The following DNAH14 variants were observed in gnomAD, a reference collection of about 807,000 sequenced individuals.
The protein encoded by DNAH14 is axonemal beta dynein heavy chain 14.
Under a neutral mutation model 520.9 loss-of-function variants are expected in DNAH14, and 478 were observed. The observed-to-expected ratio is 0.92, with a 90% CI of 0.85 to 0.99. The LOEUF (loss-of-function observed/expected upper bound fraction) is 0.99, where lower values mean the gene tolerates loss of function less well. Ranked by LOEUF, DNAH14 falls within the 50% of genes least tolerant of loss-of-function variation. DNAH14 has a pLI of 0.00. For synonymous variants in DNAH14, 1,581 were observed against 1,757.2 expected, an observed-to-expected ratio of 0.90 and a Z score of 2.51; for missense variants, 4,831 against 5,234.5, an observed-to-expected ratio of 0.92 and a Z score of 2.38.
intron 21 of DNAH14, among the ~76,000 whole-genome samples, chr1:225,095,320 AAAG>A (rs1179623834): frequency 2.0e-5 from 3 of 152,196 alleles, no homozygotes; most frequent in Non-Finnish European, 4.4e-5. Flanking sequence ...TGCAGCCATA[AAAG>A]AAGAATGAGA....
intron 23 of DNAH14, among the ~76,000 whole-genome samples, chr1:225,105,716 CT>C (rs1040695595): frequency 6.6e-6 from 1 of 151,856 alleles, no homozygotes; most frequent in East Asian, 1.9e-4. Flanking sequence ...AACGCCTGCC[CT>C]TTTTTGTTTT....
In DNAH14 at chr1:224,930,764, A is replaced by G. The variant is rs191784779; in HGVS notation, c.-34+929A>G. On this transcript the variant is annotated intron_variant, in intron 1 of 85. Coordinates refer to ENST00000682510, the MANE Select transcript of DNAH14 (RefSeq NM_001367479.1). ...AGGCGTCCTCCACCATGCCCGGCTA[A>G]TTTTTTTGTATTTTTAGTAGAGACG... Among the ~76,000 whole-genome samples, 195 of 152,032 alleles carry G rather than the reference A, an allele frequency of 1.3e-3. 1 individual carries two copies. Among genetic ancestry groups the G allele is most frequent in the Middle Eastern group, 3.4e-3 (1 of 294 alleles).
At position 225,003,997 on chromosome 1, in the gene DNAH14, A is replaced by G. The variant is rs184817299; in HGVS notation, c.975+1070A>G. On this transcript the variant is annotated intron_variant, in intron 9 of 85. Transcript: ENST00000682510. Reference sequence around the variant, plus strand: ...CTTAAATGCCACCAAATGATAGAGAACATTACTAGTGATAGAGAAGAAATG... The same window carrying G: ...CTTAAATGCCACCAAATGATAGAGAGCATTACTAGTGATAGAGAAGAAATG... Among the ~76,000 whole-genome samples, 196 of 152,214 alleles carry G rather than the reference A, an allele frequency of 1.3e-3. 1 individual carries two copies. The East Asian group carries it at 0.027, about 21-fold the overall frequency.
chr1:225,290,992 G>A (rs965043758), intron 55 of DNAH14, among the ~76,000 whole-genome samples: 1 of 151,492 alleles, frequency 6.6e-6, no homozygotes, highest in East Asian at 1.9e-4. Context: ...CTGTAATTTT[G>A]TATCCCTTAA....
intron 1 of DNAH14, among the ~76,000 whole-genome samples, chr1:224,933,267 C>T (rs2058812274): frequency 6.6e-6 from 1 of 152,086 alleles, no homozygotes; most frequent in East Asian, 1.9e-4. Flanking sequence ...GATTTTTGTA[C>T]ATTGATTTTG....
At chr1:225,318,498 T>C (rs1212672533) in intron 60 of DNAH14, 85 bp from the exon 61 acceptor site, 12 of 1,191,700 alleles carry the variant, frequency 1.0e-5, no homozygotes, top group Non-Finnish European at 1.4e-5. Context: ...TATCAAATTA[T>C]ATTTTCCAAG....
intron 15 of DNAH14, among the ~76,000 whole-genome samples, chr1:225,044,276 T>C (rs2067740310): frequency 6.6e-6 from 1 of 152,206 alleles, no homozygotes; most frequent in Non-Finnish European, 1.5e-5. Flanking sequence ...ATGAGCAAGA[T>C]CTTTTATGTC....
intron 21 of DNAH14, 62 bp downstream of exon 21, chr1:225,085,851 C>CT: frequency 6.9e-7 from 1 of 1,441,122 alleles, no homozygotes; most frequent in East Asian, 2.5e-5. Flanking sequence ...TTATTTCAAT[C>CT]TTTTGCGGTC....
rs74820258 is a variant in DNAH14 at position 224,963,817 on chromosome 1, A to G, written c.368-662A>G. Among the ~76,000 whole-genome samples the G allele has an allele frequency of 5.0e-3, 765 of 152,222 alleles. 6 individuals carry two copies. The highest frequency in any genetic ancestry group is 0.017 in the African/African-American group (722 of 41,568). ...TCCTAGTTATAATAGTGTCTTATAC[A>G]AGAGCTCAAGTCTCATTTCATCCTT... On this transcript the variant is annotated intron_variant, in intron 4 of 85. Transcript: ENST00000682510.
intron 61 of DNAH14, among the ~76,000 whole-genome samples, chr1:225,320,696 A>T (rs1410645795): frequency 6.6e-6 from 1 of 152,228 alleles, no homozygotes; most frequent in Non-Finnish European, 1.5e-5. Context: ...CCATTTTGCA[A>T]CATGAACCAC....
At chr1:225,347,014 T>G (rs919398390) in intron 71 of DNAH14, among the ~76,000 whole-genome samples, 5 of 152,208 alleles carry the variant, frequency 3.3e-5, no homozygotes, top group Non-Finnish European at 7.3e-5. Flanking sequence ...ACAAAAAGCA[T>G]GTTTATCCAA....
At chr1:225,008,131 G>T (rs1375071540) in intron 10 of DNAH14, among the ~76,000 whole-genome samples, 1 of 151,280 alleles carries the variant, frequency 6.6e-6, no homozygotes, top group Admixed American at 6.6e-5. Context: ...GTGCCCATAT[G>T]TTCTCATTGT....
Position 224,967,412 on chromosome 1 carries a change from A to ATT in DNAH14, c.499-10_499-9dup. The ATT allele has an allele frequency of 1.4e-5, 19 of 1,342,826 alleles. No individual in the cohort carries two copies. Among genetic ancestry groups the ATT allele is most frequent in the Non-Finnish European group, 1.8e-5 (18 of 1,004,478 alleles). 83.2% of individuals were successfully genotyped at this position (1,342,826 alleles called of 1,614,324 possible). A position where few individuals can be genotyped will look rare whatever the true frequency, so the allele number is the denominator to read the frequency against. On this transcript the variant is annotated intron_variant, in intron 5 of 85. Coordinates refer to ENST00000682510, the MANE Select transcript of DNAH14 (RefSeq NM_001367479.1). ...GTCAAATTAATTAAATTTGTTTATT[A>ATT]TTTTTTTTTTAATCTCAGAAACCTT...
At chr1:225,086,048 T>C (rs1310757056) in intron 21 of DNAH14, among the ~76,000 whole-genome samples, 1 of 151,820 alleles carries the variant, frequency 6.6e-6, no homozygotes, top group East Asian at 1.9e-4. Context: ...CTTATAACCA[T>C]GGCTTATCAC....
intron 10 of DNAH14, among the ~76,000 whole-genome samples, chr1:225,022,481 A>G (rs1201937031): frequency 2.0e-5 from 3 of 152,214 alleles, no homozygotes; most frequent in Non-Finnish European, 4.4e-5. Flanking sequence ...ACATACATGT[A>G]GCCAACAAAT....
At chr1:225,112,944 C>T (rs949870884) in intron 23 of DNAH14, among the ~76,000 whole-genome samples, 7 of 152,170 alleles carry the variant, frequency 4.6e-5, no homozygotes, top group Admixed American at 1.3e-4. Context: ...AATTCTCTAT[C>T]TGAAAAGTCA....
In DNAH14 at chr1:224,964,566, A is replaced by T; in HGVS notation, c.455A>T (p.Lys152Ile). The T allele has an allele frequency of 6.2e-7, 1 of 1,604,956 alleles. No individual in the cohort carries two copies. Among genetic ancestry groups the T allele is most frequent in the Non-Finnish European group, 8.5e-7 (1 of 1,174,836 alleles). Residue 152 changes from lysine (K) to isoleucine (I), a missense_variant, in exon 5 of 86, where the codon AAA becomes ATA. Transcript: ENST00000682510. ...WQTILPQHSL[K>I]YGSSKIAIQK... Reference sequence around the variant, plus strand: ...ACTATATTACCGCAGCACAGTTTGAAATACGGAAGCTCCAAAATTGCAATT... The same window carrying T: ...ACTATATTACCGCAGCACAGTTTGATATACGGAAGCTCCAAAATTGCAATT...
chr1:225,215,051 A>G (rs2089091901), intron 41 of DNAH14, among the ~76,000 whole-genome samples: 1 of 152,202 alleles, frequency 6.6e-6, no homozygotes, highest in African/African-American at 2.4e-5. Context: ...ATTTAGTACT[A>G]TAAATTTCCC....
intron 44 of DNAH14, among the ~76,000 whole-genome samples, chr1:225,253,991 G>C (rs148011529): frequency 8.6e-5 from 13 of 152,012 alleles, no homozygotes; most frequent in Non-Finnish European, 1.0e-4. Flanking sequence ...TCTAGACAGC[G>C]GGATATGACT....
Sources: allele counts gnomAD v4.1 joint callset (sites outside exome capture counted in the v4.1 genomes callset), GRCh38; gene constraint gnomAD v4.1.1; transcripts MANE v1.5; gene names NCBI Gene and HGNC (gene_info 2026-07-23, HGNC 2026-07-21).